FUT9: variants seen among roughly 807,000 people sequenced by gnomAD.
FUT9 encodes the protein fucosyltransferase 9, also known as 4-galactosyl-N-acetylglucosaminide 3-alpha-L-fucosyltransferase 9.
FUT9 carries 15 observed loss-of-function variants against 29.7 expected under a neutral mutation model. The observed-to-expected ratio is 0.51, with a 90% CI of 0.34 to 0.78. FUT9 has a LOEUF of 0.78. Ranked by LOEUF, FUT9 falls within the 30% of genes least tolerant of loss-of-function variation. The pLI, the probability that FUT9 is intolerant of heterozygous loss-of-function variation, is 0.01. For missense variants in FUT9, 319 were observed against 425.4 expected (o/e 0.75, Z 2.20); for synonymous variants, 169 against 153.7 (o/e 1.10, Z -0.74).
chr6:96,200,264 T>C (rs544498903), intron 2 of FUT9, among the ~76,000 whole-genome samples: 1 of 152,308 alleles, frequency 6.6e-6, no homozygotes, highest in Admixed American at 6.5e-5. Context: ...CAACTCATCG[T>C]TAAATAGTTC....
chr6:96,206,629 G>A lies in FUT9; in HGVS notation c.*2394G>A, dbSNP rs149131395. 2,434 of 161,092 alleles carry A rather than the reference G, an allele frequency of 0.015. 28 individuals carry two copies. The highest frequency in any genetic ancestry group is 0.057 in the Middle Eastern group (17 of 296). 10.0% of individuals were successfully genotyped at this position (161,092 alleles called of 1,614,324 possible). On this transcript the variant is annotated 3_prime_UTR_variant, in exon 3 of 3. Transcript: ENST00000302103. The stretch of plus-strand genomic sequence containing the variant: ...AGGCGTGTACCACTATGCCTGGCTA[G>A]TTTTTGTATTTTTAGTAGAGATGGG...
intron 2 of FUT9, among the ~76,000 whole-genome samples, chr6:96,160,765 A>G (rs1772883079): frequency 6.6e-6 from 1 of 152,178 alleles, no homozygotes; most frequent in Admixed American, 6.5e-5. Flanking sequence ...CTATGTATGA[A>G]TTAATTTTGA....
chr6:96,194,228 T>C (rs1773577626), intron 2 of FUT9, among the ~76,000 whole-genome samples: 1 of 151,988 alleles, frequency 6.6e-6, no homozygotes. Context: ...TTAGTGTACG[T>C]CAGAACTACT....
intron 1 of FUT9, among the ~76,000 whole-genome samples, chr6:96,086,023 CACTAA>C (rs1418635996): frequency 6.6e-6 from 1 of 152,130 alleles, no homozygotes; most frequent in Non-Finnish European, 1.5e-5. Flanking sequence ...TTATCCTCCA[CACTAA>C]ACTAATTTTA....
At chr6:96,126,604 TGAGTTGTTA>T (rs1393237221) in intron 2 of FUT9, among the ~76,000 whole-genome samples, 4 of 152,264 alleles carry the variant, frequency 2.6e-5, no homozygotes, top group Non-Finnish European at 5.9e-5. Context: ...TTACATGCAA[TGAGTTGTTA>T]GACTTCAGTG....
chr6:96,133,278 G>A (rs920929797), intron 2 of FUT9, among the ~76,000 whole-genome samples: 3 of 151,910 alleles, frequency 2.0e-5, no homozygotes, highest in South Asian at 4.1e-4. Context: ...CCCTAGAAAG[G>A]TGGAACTTTT....
chr6:96,101,702 G>A (rs1771588653), intron 1 of FUT9, among the ~76,000 whole-genome samples: 1 of 151,842 alleles, frequency 6.6e-6, no homozygotes, highest in Non-Finnish European at 1.5e-5. Flanking sequence ...TGCCCAGGCT[G>A]GAGTGCAGTG....
At chr6:96,081,750 C>G (rs1771241952) in intron 1 of FUT9, among the ~76,000 whole-genome samples, 1 of 151,862 alleles carries the variant, frequency 6.6e-6, no homozygotes, top group South Asian at 2.1e-4. Context: ...TTATGCCAAA[C>G]TATTAAGTGT....
chr6:96,173,792 C>T (rs1280772330), intron 2 of FUT9, among the ~76,000 whole-genome samples: 2 of 151,574 alleles, frequency 1.3e-5, no homozygotes, highest in African/African-American at 4.8e-5. Context: ...TTCTCTAATA[C>T]TGTCTATCTC....
At chr6:96,165,479 TAAA>T (rs1772999415) in intron 2 of FUT9, among the ~76,000 whole-genome samples, 1 of 147,538 alleles carries the variant, frequency 6.8e-6, no homozygotes, top group African/African-American at 2.5e-5. Context: ...GTTATAAAGA[TAAA>T]AAGTGATCTC....
chr6:96,126,476 T>G (rs905210062), intron 2 of FUT9, among the ~76,000 whole-genome samples: 2 of 152,174 alleles, frequency 1.3e-5, no homozygotes, highest in African/African-American at 4.8e-5. Flanking sequence ...CAACAAGATG[T>G]CATTCTTTGC....
chr6:96,091,949 A>T (rs980071228), intron 1 of FUT9, among the ~76,000 whole-genome samples: 3 of 152,160 alleles, frequency 2.0e-5, no homozygotes, highest in Non-Finnish European at 4.4e-5. Flanking sequence ...AAACTCTATT[A>T]GATCAGGACA....
intron 1 of FUT9, among the ~76,000 whole-genome samples, chr6:96,094,603 TG>T (rs893176793): frequency 6.6e-6 from 1 of 152,094 alleles, no homozygotes; most frequent in African/African-American, 2.4e-5. Flanking sequence ...AGGAATCCAT[TG>T]GGGTCTTGGA....
At chr6:96,149,932 AC>A (rs1369216967) in intron 2 of FUT9, among the ~76,000 whole-genome samples, 1 of 152,170 alleles carries the variant, frequency 6.6e-6, no homozygotes, top group African/African-American at 2.4e-5. Flanking sequence ...GCCACCAAAC[AC>A]TAGATTTTAC....
intron 1 of FUT9, among the ~76,000 whole-genome samples, chr6:96,045,647 G>T (rs1770549770): frequency 2.6e-5 from 4 of 152,192 alleles, no homozygotes; most frequent in African/African-American, 9.7e-5. Context: ...GGAAGTGGGG[G>T]AGTAGCCCCT....
rs906342192 is a variant in FUT9, at chr6:96,207,867, C to T, written c.*3632C>T. 1 of 166,442 alleles carries T rather than the reference C, an allele frequency of 6.0e-6. No homozygotes were observed. The highest frequency in any genetic ancestry group is 2.4e-5 in the African/African-American group (1 of 41,280). 10.3% of individuals were successfully genotyped at this position (166,442 alleles called of 1,614,324 possible). A position where few individuals can be genotyped will look rare whatever the true frequency, so the allele number is the denominator to read the frequency against. ...TAGACCTTACTAATAAGAATATATACTGAATTGTCCACATCCAGAGTATTA... is the reference window on the plus strand; with the variant it reads ...TAGACCTTACTAATAAGAATATATATTGAATTGTCCACATCCAGAGTATTA... On this transcript the variant is annotated 3_prime_UTR_variant, in exon 3 of 3. Transcript: ENST00000302103.
At chr6:96,199,945 A>C (rs1474236785) in intron 2 of FUT9, among the ~76,000 whole-genome samples, 1 of 152,178 alleles carries the variant, frequency 6.6e-6, no homozygotes, top group African/African-American at 2.4e-5. Flanking sequence ...GGTATCACTA[A>C]AATGATTGCA....
At chr6:96,028,401 G>A (rs1770203969) in intron 1 of FUT9, among the ~76,000 whole-genome samples, 1 of 151,530 alleles carries the variant, frequency 6.6e-6, no homozygotes, top group Non-Finnish European at 1.5e-5. Flanking sequence ...TAAACATTGA[G>A]TAATGTTTAA....
At chr6:96,060,074 T>A (rs1582201672) in intron 1 of FUT9, among the ~76,000 whole-genome samples, 1 of 152,202 alleles carries the variant, frequency 6.6e-6, no homozygotes, top group African/African-American at 2.4e-5. Flanking sequence ...TATTAATAGA[T>A]CTTATTTTGT....
Sources: allele counts gnomAD v4.1 joint callset (sites outside exome capture counted in the v4.1 genomes callset), GRCh38; gene constraint gnomAD v4.1.1; transcripts MANE v1.5; gene names NCBI Gene and HGNC (gene_info 2026-07-23, HGNC 2026-07-21).